CPA6: variants seen among roughly 807,000 people sequenced by gnomAD.
The protein encoded by CPA6 is carboxypeptidase A6.
A neutral mutation model predicts 63.3 loss-of-function variants in CPA6; 58 were observed. The observed-to-expected ratio is 0.92, with a 90% CI of 0.74 to 1.14. The LOEUF is 1.14. Among genes scored for constraint, CPA6 ranks in the 50% most tolerant of loss-of-function variants. The pLI is 0.00. For synonymous variants in CPA6, 185 were observed against 179.0 expected (o/e 1.03, Z -0.27); for missense variants, 565 against 526.6 (o/e 1.07, Z -0.71).
chr8:67,621,557 T>C (rs185858833), intron 2 of CPA6, among the ~76,000 whole-genome samples: 1 of 152,322 alleles, frequency 6.6e-6, no homozygotes, highest in Admixed American at 6.5e-5. Flanking sequence ...TACTGTGGCT[T>C]GGGCAAGTTA....
intron 2 of CPA6, among the ~76,000 whole-genome samples, chr8:67,532,160 T>C (rs1812490838): frequency 6.6e-6 from 1 of 151,936 alleles, no homozygotes; most frequent in African/African-American, 2.4e-5. Context: ...GATGAGAGGA[T>C]AAATTGATGA....
rs1182497894 is a variant in CPA6, at chr8:67,548,292, C to A, written c.193-30245G>T. Among the ~76,000 whole-genome samples the A allele has an allele frequency of 3.4e-5, 5 of 147,210 alleles. No individual in the cohort carries two copies. The South Asian group carries it at 8.9e-4, about 26-fold the overall frequency. ...CTTGAGACAGAGTCTGACTCTATTGCCCAGCCTGGAGCACAGCGGCATGAT... is the reference window on the plus strand; with the variant it reads ...CTTGAGACAGAGTCTGACTCTATTGACCAGCCTGGAGCACAGCGGCATGAT... On this transcript the variant is annotated intron_variant, in intron 2 of 10. Transcript: ENST00000297770.
intron 2 of CPA6, among the ~76,000 whole-genome samples, 170 bp downstream of exon 2, chr8:67,624,006 A>G (rs1357616769): frequency 6.6e-6 from 1 of 152,014 alleles, no homozygotes; most frequent in Non-Finnish European, 1.5e-5. Flanking sequence ...CAAATAAAAT[A>G]AAATAAAATA....
intron 1 of CPA6, among the ~76,000 whole-genome samples, chr8:67,711,089 C>G (rs1263346882): frequency 1.3e-5 from 2 of 152,138 alleles, no homozygotes; most frequent in Non-Finnish European, 2.9e-5. Context: ...TCTTAGCTGA[C>G]TGGAGCATGA....
At chr8:67,703,787 A>T (rs1374265205) in intron 1 of CPA6, among the ~76,000 whole-genome samples, 1 of 152,214 alleles carries the variant, frequency 6.6e-6, no homozygotes, top group African/African-American at 2.4e-5. Context: ...CAGCTCTGCC[A>T]GCTCCTTATG....
chr8:67,660,288 G>A (rs999209723), intron 1 of CPA6, among the ~76,000 whole-genome samples: 18 of 137,614 alleles, frequency 1.3e-4, no homozygotes, highest in Non-Finnish European at 1.8e-4. Context: ...CACCAATGTA[G>A]TATTTGGCAC....
chr8:67,634,736 G>C (rs1475258300), intron 1 of CPA6, among the ~76,000 whole-genome samples: 1 of 151,586 alleles, frequency 6.6e-6, no homozygotes, highest in African/African-American at 2.4e-5. Context: ...GTTACATTAT[G>C]TTCCAGGCAC....
At chr8:67,641,402 T>C (rs1017117294) in intron 1 of CPA6, among the ~76,000 whole-genome samples, 1 of 146,826 alleles carries the variant, frequency 6.8e-6, no homozygotes, top group African/African-American at 2.7e-5. Flanking sequence ...AACTATAAAA[T>C]GACCAGACTA....
chr8:67,542,777 G>C (rs1812734719), intron 2 of CPA6, among the ~76,000 whole-genome samples: 1 of 152,132 alleles, frequency 6.6e-6, no homozygotes, highest in African/African-American at 2.4e-5. Flanking sequence ...GGCAGTTCTT[G>C]ATCCCTATTC....
chr8:67,505,067 C>A (rs1811900483), intron 6 of CPA6, among the ~76,000 whole-genome samples: 1 of 152,142 alleles, frequency 6.6e-6, no homozygotes, highest in African/African-American at 2.4e-5. Flanking sequence ...TCCTTCTCTT[C>A]CTTGGAAATT....
chr8:67,467,182 C>A (rs1017596797), intron 8 of CPA6, among the ~76,000 whole-genome samples: 1 of 152,100 alleles, frequency 6.6e-6, no homozygotes, highest in African/African-American at 2.4e-5. Context: ...ATGTTTAGAA[C>A]GAAGGGTACA....
At chr8:67,566,465 G>T (rs370908841) in intron 2 of CPA6, among the ~76,000 whole-genome samples, 250 of 152,278 alleles carry the variant, frequency 1.6e-3, no homozygotes, top group African/African-American at 5.8e-3. Context: ...ACAATATCTT[G>T]TGTCACCTCT....
chr8:67,537,337 G>A (rs1434375649), intron 2 of CPA6, among the ~76,000 whole-genome samples: 1 of 152,096 alleles, frequency 6.6e-6, no homozygotes, highest in African/African-American at 2.4e-5. Context: ...GGTTTCTTTG[G>A]TTAGTAGCCT....
Position 67,516,588 on chromosome 8 carries a change from C to T in CPA6, c.317+1335G>A, listed in dbSNP as rs549594135. ...TGGACTCTGCTGCTGTGTGTTCTCA[C>T]CTCCTGTTCACATCTGTGTCTTCTA... On this transcript the variant is annotated intron_variant, in intron 3 of 10. Coordinates refer to ENST00000297770, the MANE Select transcript of CPA6 (RefSeq NM_020361.5). Among the ~76,000 whole-genome samples the T allele has an allele frequency of 9.8e-5, 15 of 152,342 alleles. No individual in the cohort carries two copies. In the South Asian group the frequency reaches 2.9e-3, roughly 29 times the overall value.
Position 67,740,821 on chromosome 8 carries a change from C to T in CPA6, c.116+5193G>A, listed in dbSNP as rs374013301. On this transcript the variant is annotated intron_variant, in intron 1 of 10. Coordinates refer to ENST00000297770, the MANE Select transcript of CPA6 (RefSeq NM_020361.5). Reference sequence around the variant, plus strand: ...CTGACCTCAGGTGATCCACCTGCCTCGGCCTCCCAAAGTGCTGGGATTACA... The same window carrying T: ...CTGACCTCAGGTGATCCACCTGCCTTGGCCTCCCAAAGTGCTGGGATTACA... Among the ~76,000 whole-genome samples the T allele has an allele frequency of 5.3e-5, 8 of 152,252 alleles. No homozygotes were observed. In the East Asian group the frequency reaches 9.7e-4, roughly 18 times the overall value.
chr8:67,644,270 C>T (rs949950896), intron 1 of CPA6, among the ~76,000 whole-genome samples: 1 of 152,178 alleles, frequency 6.6e-6, no homozygotes, highest in African/African-American at 2.4e-5. Context: ...AGGCGCCCGC[C>T]ACCACGCCTG....
chr8:67,639,910 T>C (rs180892137), intron 1 of CPA6, among the ~76,000 whole-genome samples: 13 of 151,450 alleles, frequency 8.6e-5, no homozygotes, highest in Non-Finnish European at 1.6e-4. Context: ...AGCCAGGGTG[T>C]CCTGACAAGT....
In CPA6 at chr8:67,504,174, A is replaced by T. The variant is rs1811884232; in HGVS notation, c.636+2613T>A. 2.6e-5 allele frequency among the ~76,000 whole-genome samples: 4 copies of T among 152,344 alleles called. No individual in the cohort carries two copies. The South Asian group carries it at 8.3e-4, about 32-fold the overall frequency. On this transcript the variant is annotated intron_variant, in intron 6 of 10. Coordinates refer to ENST00000297770, the MANE Select transcript of CPA6 (RefSeq NM_020361.5). ...GGTTGCCTGACTTCCAACTGTGTGC[A>T]CATAACACCTATGCAATCTGAGGCT...
intron 2 of CPA6, among the ~76,000 whole-genome samples, chr8:67,593,380 T>C (rs1481208355): frequency 6.6e-6 from 1 of 151,758 alleles, no homozygotes; most frequent in African/African-American, 2.4e-5. Context: ...GGGTGGAGAG[T>C]TCTGTAGATG....
Sources: allele counts gnomAD v4.1 joint callset (sites outside exome capture counted in the v4.1 genomes callset), GRCh38; gene constraint gnomAD v4.1.1; transcripts MANE v1.5; gene names NCBI Gene and HGNC (gene_info 2026-07-23, HGNC 2026-07-21).